The following KANK4 variants were observed in gnomAD, a reference collection of about 807,000 sequenced individuals.
KANK4 encodes KN motif and ankyrin repeat domains 4.
Under a neutral mutation model 80.8 loss-of-function variants are expected in KANK4, and 50 were observed. The ratio of observed to expected loss-of-function variants is 0.62; its 90% CI spans 0.49 to 0.78. The LOEUF (loss-of-function observed/expected upper bound fraction) is 0.78, where lower values mean the gene tolerates loss of function less well. KANK4 is among the 30% of genes least tolerant of loss of function. KANK4 has a pLI of 0.00. For synonymous variants in KANK4, 465 were observed against 506.9 expected (o/e 0.92, Z 1.11); for missense variants, 1,196 against 1,240.1 (o/e 0.96, Z 0.53).
At chr1:62,299,054 G>T (rs1182932703) in intron 1 of KANK4, among the ~76,000 whole-genome samples, 1 of 151,044 alleles carries the variant, frequency 6.6e-6, no homozygotes, top group African/African-American at 2.5e-5. Context: ...TCCTGCCCAA[G>T]ATTTTTTTTT....
chr1:62,279,382 T>C (rs1056778918), intron 2 of KANK4, among the ~76,000 whole-genome samples: 2 of 152,166 alleles, frequency 1.3e-5, no homozygotes, highest in Admixed American at 1.3e-4. Context: ...GCGGCTCTGC[T>C]CCTATTCATT....
At chr1:62,254,792 T>TC (rs1194103029) in intron 7 of KANK4, among the ~76,000 whole-genome samples, 4 of 151,430 alleles carry the variant, frequency 2.6e-5, no homozygotes, top group Non-Finnish European at 2.9e-5. Flanking sequence ...GGTCTCGAAC[T>TC]CCTGACCTCA....
intron 7 of KANK4, among the ~76,000 whole-genome samples, chr1:62,254,114 G>A (rs192745141): frequency 7.6e-4 from 116 of 152,226 alleles, no homozygotes; most frequent in Admixed American, 2.4e-3. Context: ...AACACCATGG[G>A]ATAAACGTGG....
Position 62,308,934 on chromosome 1 carries a change from ATCTCC to A in KANK4, c.-71+10167_-71+10171del, listed in dbSNP as rs1375446842. On this transcript the variant is annotated intron_variant, in intron 1 of 9. Coordinates refer to ENST00000371153, the MANE Select transcript of KANK4 (RefSeq NM_181712.5). ...TGATTCTCCTGCCTCTTTTTCCTCC[ATCTCC>A]TCCCTTAGGGACCGTCCCAGAACCT... 2.6e-5 allele frequency among the ~76,000 whole-genome samples: 4 copies of A among 152,002 alleles called. No individual in the cohort carries two copies. In the East Asian group the frequency reaches 7.7e-4, roughly 29 times the overall value.
At position 62,274,825 on chromosome 1, in the gene KANK4, G is replaced by C; in HGVS notation, c.279C>G (p.Pro93=). Residue 93 remains proline, a synonymous_variant, in exon 3 of 10, where the codon CCC becomes CCG. Transcript: ENST00000371153. ...PAAPPLQNWS[P]VVPREASLGT... ...CAAGTGATGCCTCCCTTGGCACCAC[G>C]GGAGACCAGTTTTGGAGGGGCGGGG... 1 of 1,614,130 alleles carries C rather than the reference G, an allele frequency of 6.2e-7. No homozygotes were observed. Among genetic ancestry groups the C allele is most frequent in the Non-Finnish European group, 8.5e-7 (1 of 1,180,008 alleles).
chr1:62,292,820 C>G (rs1402878397), intron 1 of KANK4, among the ~76,000 whole-genome samples: 1 of 152,192 alleles, frequency 6.6e-6, no homozygotes, highest in Admixed American at 6.5e-5. Flanking sequence ...ATCCAACAGA[C>G]ACGGGTTCAA....
At chr1:62,312,456 T>G (rs188600143) in intron 1 of KANK4, among the ~76,000 whole-genome samples, 1 of 152,238 alleles carries the variant, frequency 6.6e-6, no homozygotes, top group East Asian at 1.9e-4. Flanking sequence ...CTTGGGGCTC[T>G]TGACCCTAAG....
chr1:62,279,198 G>GCGCACACACACACACA (rs1282615199), intron 2 of KANK4, among the ~76,000 whole-genome samples: 4 of 146,182 alleles, frequency 2.7e-5, no homozygotes, highest in East Asian at 2.1e-4. Context: ...GCTAGCGCGC[G>GCGCACACACACACACA]CACACACACA....
At chr1:62,283,222 C>A (rs1448707549) in intron 1 of KANK4, among the ~76,000 whole-genome samples, 1 of 152,186 alleles carries the variant, frequency 6.6e-6, no homozygotes, top group Non-Finnish European at 1.5e-5. Context: ...ACCATCGCAG[C>A]CTCTCCTGCT....
chr1:62,276,059 T>C (rs1234246300), intron 2 of KANK4, among the ~76,000 whole-genome samples: 1 of 151,908 alleles, frequency 6.6e-6, no homozygotes, highest in African/African-American at 2.4e-5. Flanking sequence ...GGGACTTGAC[T>C]TTCCAGGGCA....
intron 8 of KANK4, among the ~76,000 whole-genome samples, chr1:62,248,067 G>T (rs1258107214): frequency 6.6e-6 from 1 of 152,098 alleles, no homozygotes; most frequent in Non-Finnish European, 1.5e-5. Context: ...GATGAAGGTT[G>T]AATGCTTGAG....
intron 4 of KANK4, among the ~76,000 whole-genome samples, chr1:62,269,564 A>G (rs1672109733): frequency 1.3e-5 from 2 of 152,186 alleles, no homozygotes; most frequent in Admixed American, 1.3e-4. Context: ...TACATTTACC[A>G]AACAGTGCTC....
At chr1:62,260,490 G>C (rs921371722) in intron 7 of KANK4, among the ~76,000 whole-genome samples, 1 of 152,006 alleles carries the variant, frequency 6.6e-6, no homozygotes, top group Non-Finnish European at 1.5e-5. Context: ...AATATGTTCA[G>C]AGCTCCTCTC....
rs1571016348 is a variant in KANK4 at position 62,281,090 on chromosome 1, C to T, written c.16+459G>A. On this transcript the variant is annotated intron_variant, in intron 2 of 9. Transcript: ENST00000371153. Reference sequence around the variant, plus strand: ...GATACCCCAGATATGTGAGTGTGGCCATTCTAAGCCATCCAGCTCCCAGCC... The same window carrying T: ...GATACCCCAGATATGTGAGTGTGGCTATTCTAAGCCATCCAGCTCCCAGCC... Among the ~76,000 whole-genome samples the T allele has an allele frequency of 3.3e-5, 5 of 152,188 alleles. No individual in the cohort carries two copies. In the South Asian group the frequency reaches 1.0e-3, roughly 32 times the overall value.
intron 1 of KANK4, among the ~76,000 whole-genome samples, chr1:62,310,290 A>T (rs1644487822): frequency 6.6e-6 from 1 of 152,174 alleles, no homozygotes; most frequent in Non-Finnish European, 1.5e-5. Context: ...GGTAAGTGGT[A>T]AGGTTTCTTC....
At chr1:62,281,842 G>A (rs1672458144) in intron 1 of KANK4, among the ~76,000 whole-genome samples, 1 of 152,148 alleles carries the variant, frequency 6.6e-6, no homozygotes, top group Non-Finnish European at 1.5e-5. Context: ...ATTAGCAATA[G>A]TTGACATGAA....
chr1:62,260,529 C>T (rs1260582410), intron 7 of KANK4, among the ~76,000 whole-genome samples: 1 of 152,088 alleles, frequency 6.6e-6, no homozygotes, highest in Non-Finnish European at 1.5e-5. Context: ...ACCAACTCTC[C>T]GAAGGCTCTC....
Position 62,257,110 on chromosome 1 carries a change from T to C in KANK4, c.2540-3901A>G, listed in dbSNP as rs187565919. On this transcript the variant is annotated intron_variant, in intron 7 of 9. Coordinates refer to ENST00000371153, the MANE Select transcript of KANK4 (RefSeq NM_181712.5). Reference sequence around the variant, plus strand: ...ATTTATTTACTTATTATTTTTGAGATGGAGTCTCACTCTATTGCCCAGGTT... The same window carrying C: ...ATTTATTTACTTATTATTTTTGAGACGGAGTCTCACTCTATTGCCCAGGTT... Among the ~76,000 whole-genome samples, 3 of 152,214 alleles carry C rather than the reference T, an allele frequency of 2.0e-5. No homozygotes were observed. The East Asian group carries it at 5.8e-4, about 29-fold the overall frequency.
At chr1:62,251,225 C>T (rs1310477785) in intron 8 of KANK4, among the ~76,000 whole-genome samples, 1 of 152,144 alleles carries the variant, frequency 6.6e-6, no homozygotes, top group Non-Finnish European at 1.5e-5. Context: ...CTCACACTGC[C>T]CTGTGGGAGC....
Sources: gnomAD v4.1 joint callset for allele counts (sites outside exome capture counted in the v4.1 genomes callset) on GRCh38, gnomAD v4.1.1 for gene constraint, MANE v1.5 for transcripts, NCBI Gene and HGNC (gene_info 2026-07-23, HGNC 2026-07-21) for gene names.